The following NPC1 variants were observed in gnomAD, a reference collection of about 807,000 sequenced individuals.
NPC1 encodes NPC intracellular cholesterol transporter 1, also known as Niemann-Pick C1 protein.
In NPC1, 85 loss-of-function variants were observed where a neutral mutation model predicts 140.4. The ratio of observed to expected loss-of-function variants is 0.61; its 90% confidence interval spans 0.51 to 0.72. The LOEUF is 0.72. NPC1 is among the 30% of genes least tolerant of loss of function. The probability of loss-of-function intolerance (pLI) is 0.00; values close to 1 mark genes in which losing one functional copy is unlikely to be tolerated. For synonymous variants in NPC1, 656 were observed against 624.8 expected (o/e 1.05, Z -0.74); for missense variants, 1,504 against 1,623.8 (o/e 0.93, Z 1.27).
intron 1 of NPC1, among the ~76,000 whole-genome samples, chr18:23,578,049 C>T (rs979804712): frequency 6.6e-6 from 1 of 152,210 alleles, no homozygotes; most frequent in Admixed American, 6.5e-5. Context: ...GAGTGGGCTC[C>T]GGCCTTGGCC....
downstream of NPC1, chr18:23,519,042 ATC>A (rs1455493134): frequency 6.2e-7 from 1 of 1,612,884 alleles, no homozygotes; most frequent in African/African-American, 1.3e-5. Context: ...CAGCTTGTTG[ATC>A]TGTTTTTTGC....
At chr18:23,540,153 C>T in intron 17 of NPC1, 152 bp from the exon 18 acceptor site, 1 of 728,976 alleles carries the variant, frequency 1.4e-6, no homozygotes, top group Admixed American at 2.1e-5. Context: ...CAGTCTTCCC[C>T]CCAGGGCCCC....
intron 1 of NPC1, among the ~76,000 whole-genome samples, chr18:23,585,408 G>C (rs1363293842): frequency 6.6e-6 from 1 of 152,124 alleles, no homozygotes; most frequent in Non-Finnish European, 1.5e-5. Flanking sequence ...AGTCGAAGGA[G>C]AGTTTTTTCT....
chr18:23,560,081 A>C (rs1598984170), intron 6 of NPC1, 150 bp downstream of exon 6: 1 of 903,678 alleles, frequency 1.1e-6, no homozygotes, highest in African/African-American at 1.6e-5. Context: ...TTTACTATAG[A>C]ATAGCTGTAG....
intron 3 of NPC1, chr18:23,509,123 G>A (rs901232558): frequency 3.9e-6 from 2 of 514,384 alleles, no homozygotes. Context: ...CAGAGTTTGT[G>A]AAGCTTTTGA....
chr18:23,586,279 C>T lies in NPC1; in HGVS notation c.57+8G>A, dbSNP rs2145603587. 6.5e-7 allele frequency: 1 copy of T among 1,532,412 alleles called. No homozygotes were observed. The highest frequency in any genetic ancestry group is 8.7e-7 in the Non-Finnish European group (1 of 1,145,492). 94.9% of individuals were successfully genotyped at this position (1,532,412 alleles called of 1,614,324 possible). A position where few individuals can be genotyped will look rare whatever the true frequency, so the allele number is the denominator to read the frequency against. On this transcript the variant is annotated splice_region_variant and intron_variant, in intron 1 of 24. Transcript: ENST00000269228. Reference sequence around the variant, plus strand: ...CACAGGGCGTCCCGGTGGCCGGCGACCGCTCACCTGCGCTGGACACAGTAG... The same window carrying T: ...CACAGGGCGTCCCGGTGGCCGGCGATCGCTCACCTGCGCTGGACACAGTAG...
chr18:23,556,709 G>A, intron 7 of NPC1, 96 bp from the exon 8 acceptor site: 1 of 1,554,398 alleles, frequency 6.4e-7, no homozygotes, highest in Non-Finnish European at 8.7e-7. Flanking sequence ...TCTCATGGCA[G>A]GAATCAAGCC....
At chr18:23,572,418 T>C (rs1304974607) in intron 2 of NPC1, among the ~76,000 whole-genome samples, 1 of 152,028 alleles carries the variant, frequency 6.6e-6, no homozygotes, top group Non-Finnish European at 1.5e-5. Context: ...TCTCCTCTCC[T>C]GACAATCATT....
intron 3 of NPC1, chr18:23,509,203 C>T: frequency 7.2e-7 from 1 of 1,396,968 alleles, no homozygotes; most frequent in Non-Finnish European, 9.4e-7. Context: ...ACTAAGAATG[C>T]CAACATTCTA....
chr18:23,523,562 A>G (rs533540319), intron 1 of NPC1, among the ~76,000 whole-genome samples: 5 of 149,782 alleles, frequency 3.3e-5, no homozygotes, highest in South Asian at 4.2e-4. Context: ...AAAAAAAAAA[A>G]AAAAAAAGAA....
intron 3 of NPC1, among the ~76,000 whole-genome samples, chr18:23,512,954 T>C (rs1014315379): frequency 2.6e-5 from 4 of 152,060 alleles, no homozygotes; most frequent in Non-Finnish European, 5.9e-5. Flanking sequence ...TTTCTATGAA[T>C]TTGACTCCTT....
intron 6 of NPC1, among the ~76,000 whole-genome samples, chr18:23,559,998 A>G (rs1308368901): frequency 6.6e-6 from 1 of 152,194 alleles, no homozygotes; most frequent in Non-Finnish European, 1.5e-5. Context: ...ACAGTGCTTT[A>G]AATCACACAT....
chr18:23,534,353 G>T, intron 23 of NPC1, 93 bp downstream of exon 23: 2 of 873,336 alleles, frequency 2.3e-6, no homozygotes, highest in Non-Finnish European at 1.9e-6. Context: ...CTTAGAAGCT[G>T]CTTTGTAAGT....
At chr18:23,565,212 CAG>C (rs2059105822) in intron 4 of NPC1, among the ~76,000 whole-genome samples, 1 of 152,186 alleles carries the variant, frequency 6.6e-6, no homozygotes, top group African/African-American at 2.4e-5. Context: ...GGGATTATAA[CAG>C]AGATTGCCCT....
intron 4 of NPC1, among the ~76,000 whole-genome samples, chr18:23,566,798 G>C (rs2059132105): frequency 6.6e-6 from 1 of 152,132 alleles, no homozygotes; most frequent in South Asian, 2.1e-4. Flanking sequence ...GTATCATATA[G>C]AGTATTTTCA....
intron 4 of NPC1, among the ~76,000 whole-genome samples, chr18:23,565,461 T>C (rs1199955462): frequency 6.6e-6 from 1 of 152,180 alleles, no homozygotes; most frequent in Non-Finnish European, 1.5e-5. Context: ...GTTCAAGTGA[T>C]TCTCATGCCT....
At chr18:23,585,112 T>C (rs2059401543) in intron 1 of NPC1, among the ~76,000 whole-genome samples, 1 of 152,090 alleles carries the variant, frequency 6.6e-6, no homozygotes, top group Non-Finnish European at 1.5e-5. Context: ...CCACATTTTC[T>C]CTACGGCACA....
intron 8 of NPC1, 62 bp downstream of exon 8, chr18:23,556,181 T>C: frequency 2.1e-6 from 3 of 1,449,554 alleles, no homozygotes; most frequent in South Asian, 1.2e-5. Context: ...GTAGTCAACA[T>C]GTAAAAGCCA....
rs564632328 is a variant in NPC1 at position 23,543,669 on chromosome 18, T to G, written c.2131-100A>C. On this transcript the variant is annotated intron_variant, in intron 13 of 24. Coordinates refer to ENST00000269228, the MANE Select transcript of NPC1 (RefSeq NM_000271.5). ...TAACTCAAGGGTAAAAATAAATGAT[T>G]AGTAGACGATTAGCAGTGTCTTCTA... is the stretch of plus-strand genomic sequence containing the variant. 723 of 724,748 alleles carry G rather than the reference T, an allele frequency of 1.0e-3. 11 individuals carry two copies. The highest frequency in any genetic ancestry group is 9.2e-3 in the South Asian group (596 of 64,726). The allele number at this position is 724,748 out of a possible 1,614,324, so 44.9% of individuals were successfully genotyped here.
Sources: gnomAD v4.1 joint callset for allele counts (sites outside exome capture counted in the v4.1 genomes callset) on GRCh38, gnomAD v4.1.1 for gene constraint, MANE v1.5 for transcripts, NCBI Gene and HGNC (gene_info 2026-07-23, HGNC 2026-07-21) for gene names.